ITPR1: variants seen among roughly 807,000 people sequenced by gnomAD.
ITPR1 encodes the protein inositol 1,4,5-trisphosphate receptor type 1.
A neutral mutation model predicts 318.4 loss-of-function variants in ITPR1; 96 were observed. That is an observed-to-expected ratio of 0.30 (90% CI 0.26 to 0.36). The LOEUF is 0.36. ITPR1 is among the 10% of genes least tolerant of loss of function. The pLI, the probability that ITPR1 is intolerant of heterozygous loss-of-function variation, is 1.00. For missense variants in ITPR1, 2,440 were observed against 3,460.2 expected (o/e 0.71, Z 7.40); for synonymous variants, 1,312 against 1,289.9 (o/e 1.02, Z -0.37).
chr3:4,735,496 T>C, intron 44 of ITPR1, 142 bp downstream of exon 44: 4 of 653,592 alleles, frequency 6.1e-6, no homozygotes, highest in Non-Finnish European at 8.0e-6. Context: ...TTTTGAAAAA[T>C]GAGTTCTGCT....
chr3:4,730,370 A>AGT (rs2042828978), intron 42 of ITPR1, among the ~76,000 whole-genome samples: 9 of 91,558 alleles, frequency 9.8e-5, no homozygotes, highest in Non-Finnish European at 1.6e-4. Flanking sequence ...TGTTGGGTGG[A>AGT]ATGTGTGTGT....
chr3:4,525,972 G>T (rs1373217310), intron 4 of ITPR1, among the ~76,000 whole-genome samples: 2 of 152,222 alleles, frequency 1.3e-5, no homozygotes, highest in African/African-American at 4.8e-5. Flanking sequence ...CTCCAGGGTT[G>T]TTGGAGTAGA....
At chr3:4,798,439 A>C (rs2048027281) in intron 53 of ITPR1, among the ~76,000 whole-genome samples, 2 of 152,258 alleles carry the variant, frequency 1.3e-5, no homozygotes, top group African/African-American at 4.8e-5. Flanking sequence ...TAAATGAAAA[A>C]GATGGGCACT....
At chr3:4,654,080 G>C (rs1404088695) in intron 12 of ITPR1, among the ~76,000 whole-genome samples, 194 bp downstream of exon 12, 5 of 152,118 alleles carry the variant, frequency 3.3e-5, no homozygotes, top group Non-Finnish European at 7.3e-5. Context: ...ATTGGTCCAG[G>C]GACTGTTGTT....
At chr3:4,674,379 G>C in intron 22 of ITPR1, 36 bp downstream of exon 22, 1 of 1,551,454 alleles carries the variant, frequency 6.4e-7, no homozygotes, top group Non-Finnish European at 8.7e-7. Flanking sequence ...TGTATTATCT[G>C]CCTCTCAGTG....
chr3:4,520,555 AT>A (rs983713741), intron 3 of ITPR1, among the ~76,000 whole-genome samples: 88 of 151,142 alleles, frequency 5.8e-4, no homozygotes, highest in Admixed American at 3.0e-3. Flanking sequence ...TTCTGGCTGT[AT>A]TTTTTTTTCT....
chr3:4,645,505 G>A (rs377309798), intron 9 of ITPR1, 35 bp downstream of exon 9: 254 of 1,603,724 alleles, frequency 1.6e-4, no homozygotes, highest in Non-Finnish European at 2.1e-4. Context: ...AGCATTACTT[G>A]GCTCTTCTTG....
At chr3:4,628,822 G>A (rs536809361) in intron 5 of ITPR1, among the ~76,000 whole-genome samples, 88 of 152,306 alleles carry the variant, frequency 5.8e-4, no homozygotes, top group Non-Finnish European at 9.3e-4. Context: ...GATCTTTCCT[G>A]GGGCTCAGTG....
intron 4 of ITPR1, among the ~76,000 whole-genome samples, chr3:4,532,389 G>C (rs1461376893): frequency 6.6e-6 from 1 of 151,976 alleles, no homozygotes; most frequent in Non-Finnish European, 1.5e-5. Flanking sequence ...TTTTGAGATA[G>C]GGTCTTGCTC....
chr3:4,561,577 A>G (rs2086680126), intron 4 of ITPR1, among the ~76,000 whole-genome samples: 2 of 152,210 alleles, frequency 1.3e-5, no homozygotes, highest in South Asian at 2.1e-4. Context: ...TAGGACAAAA[A>G]AGAAGAGGAA....
chr3:4,793,187 G>T (rs577628735), intron 52 of ITPR1, among the ~76,000 whole-genome samples: 1 of 152,348 alleles, frequency 6.6e-6, no homozygotes, highest in South Asian at 2.1e-4. Flanking sequence ...TAGAATGTTA[G>T]CCTTATAAAA....
chr3:4,557,073 T>A (rs2086202143), intron 4 of ITPR1, among the ~76,000 whole-genome samples: 1 of 152,182 alleles, frequency 6.6e-6, no homozygotes, highest in African/African-American at 2.4e-5. Flanking sequence ...AATTGATGAC[T>A]TGAGCCCAGA....
rs1225669876 is a variant in ITPR1 at position 4,663,203 on chromosome 3, G to A, written c.1551G>A (p.Lys517=). 6.2e-7 allele frequency: 1 copy of A among 1,610,518 alleles called. No individual in the cohort carries two copies. The highest frequency in any genetic ancestry group is 1.3e-5 in the African/African-American group (1 of 74,816). ...TGATGAGAGAACAGAATATTCTCAA[G>A]CAGGTCGGTGAGATGTGGCGTACTG... The part of the protein sequence containing the change: ...QKLMREQNIL[K]QIFKLLQAPF... The change falls in exon 16 of 62, where the codon AAG becomes AAA. Residue 517 remains lysine, a synonymous_variant. Transcript: ENST00000649015.
chr3:4,651,067 G>A (rs1461734472), intron 10 of ITPR1, among the ~76,000 whole-genome samples: 1 of 152,052 alleles, frequency 6.6e-6, no homozygotes, highest in Non-Finnish European at 1.5e-5. Flanking sequence ...TTCCAAGATG[G>A]GACCCCTTTG....
intron 54 of ITPR1, among the ~76,000 whole-genome samples, chr3:4,802,914 G>A (rs2048330132): frequency 6.6e-6 from 1 of 152,076 alleles, no homozygotes; most frequent in East Asian, 1.9e-4. Context: ...CAGAGTCAGA[G>A]CCTTACCCCA....
chr3:4,660,706 A>G (rs958387753), intron 13 of ITPR1, among the ~76,000 whole-genome samples: 7 of 152,068 alleles, frequency 4.6e-5, no homozygotes, highest in Admixed American at 1.3e-4. Context: ...GCTCTGTCTC[A>G]TGCTCTGTTT....
intron 3 of ITPR1, among the ~76,000 whole-genome samples, chr3:4,517,978 A>G (rs529045919): frequency 5.9e-5 from 9 of 152,382 alleles, no homozygotes; most frequent in Admixed American, 2.6e-4. Flanking sequence ...ACAACTGTCT[A>G]TGGTGAACAT....
intron 57 of ITPR1, 98 bp from the exon 58 acceptor site, chr3:4,814,325 G>A: frequency 1.6e-6 from 2 of 1,256,554 alleles, no homozygotes; most frequent in South Asian, 2.4e-5. Flanking sequence ...ATTCTTTCGT[G>A]TGCCTGGTGA....
chr3:4,717,073 T>C (rs559076426), intron 39 of ITPR1, among the ~76,000 whole-genome samples: 44 of 152,338 alleles, frequency 2.9e-4, no homozygotes, highest in African/African-American at 1.1e-3. Context: ...GGTTCATGTT[T>C]TCATGTCCAC....
Sources: gnomAD v4.1 joint callset for allele counts (sites outside exome capture counted in the v4.1 genomes callset) on GRCh38, gnomAD v4.1.1 for gene constraint, MANE v1.5 for transcripts, NCBI Gene and HGNC (gene_info 2026-07-23, HGNC 2026-07-21) for gene names.